INTS3: variants seen among roughly 807,000 people sequenced by gnomAD.
INTS3 encodes SOSS complex subunit A.
Under a neutral mutation model 146.3 loss-of-function variants are expected in INTS3, and 34 were observed. The observed-to-expected ratio is 0.23, with a 90% confidence interval of 0.18 to 0.31. INTS3 has a LOEUF of 0.31. Among genes scored for constraint, INTS3 ranks in the 10% least tolerant of loss-of-function variants. INTS3 has a pLI of 1.00. For missense variants in INTS3, 757 were observed against 1,304.2 expected, an observed-to-expected ratio of 0.58 and a Z score of 6.46; for synonymous variants, 475 against 494.9, an observed-to-expected ratio of 0.96 and a Z score of 0.53.
chr1:153,748,770 G>A lies in INTS3; in HGVS notation c.584+15G>A. 4 of 1,604,136 alleles carry A rather than the reference G, an allele frequency of 2.5e-6. No homozygotes were observed. Among genetic ancestry groups the A allele is most frequent in the Non-Finnish European group, 3.4e-6 (4 of 1,170,812 alleles). On this transcript the variant is annotated intron_variant, in intron 6 of 29. Coordinates refer to ENST00000318967, the MANE Select transcript of INTS3 (RefSeq NM_023015.5). The stretch of plus-strand genomic sequence containing the variant: ...ACAGAGCAAAGGTAGCATCCACCAC[G>A]AAGGGTGGGGTACAGGCCAGATAAT...
chr1:153,764,764 C>A (rs199738629), intron 19 of INTS3, 30 bp downstream of exon 19: 691 of 1,581,280 alleles, frequency 4.4e-4, no homozygotes, highest in Non-Finnish European at 5.3e-4. Flanking sequence ...AGATACTGTT[C>A]TACCCTCCAT....
chr1:153,754,469 G>A (rs1672086606), intron 8 of INTS3, among the ~76,000 whole-genome samples, 173 bp from the exon 9 acceptor site: 3 of 152,196 alleles, frequency 2.0e-5, no homozygotes, highest in Non-Finnish European at 1.5e-5. Flanking sequence ...AGCAGAACAC[G>A]TAAGTGCTGG....
intron 5 of INTS3, chr1:153,748,412 T>C (rs946314564): frequency 6.0e-5 from 28 of 464,670 alleles, no homozygotes; most frequent in Non-Finnish European, 1.0e-4. Flanking sequence ...CAGACGTTCA[T>C]TTTCAAGGGC....
intron 1 of INTS3, among the ~76,000 whole-genome samples, chr1:153,732,335 T>TA: frequency 6.6e-6 from 1 of 152,158 alleles, no homozygotes; most frequent in Non-Finnish European, 1.5e-5. Flanking sequence ...TTGAGTCACT[T>TA]CTAGTTTTTG....
In INTS3 at chr1:153,760,882, C is replaced by G. The variant is rs141536439; in HGVS notation, c.1373C>G (p.Ser458Cys). 1,604 of 1,614,128 alleles carry G rather than the reference C, an allele frequency of 9.9e-4. 2 individuals carry two copies. The highest frequency in any genetic ancestry group is 1.2e-3 in the Non-Finnish European group (1,426 of 1,179,986). Residue 458 changes from serine to cysteine, a missense_variant, in exon 13 of 30, where the codon TCC becomes TGC. By Grantham distance (112) the Ser-to-Cys change is moderately radical. Around this residue, in one of 8 missense-constraint regions of INTS3, gnomAD observed 97 missense variants for 113.6 expected, o/e 0.85. Transcript: ENST00000318967. ...GGCCACGTGCGGCAGGGTGTCTTTT[C>G]CTCCCTCAACCACATTGTGGAGAAA... ...LEGHVRQGVF[S>C]SLNHIVEKRV...
Position 153,747,360 on chromosome 1 carries a change from G to T in INTS3, c.514G>T (p.Ala172Ser). 1.2e-5 allele frequency: 19 copies of T among 1,613,382 alleles called. No individual in the cohort carries two copies. The highest frequency in any genetic ancestry group is 1.6e-5 in the Non-Finnish European group (19 of 1,179,322). The change falls in exon 5 of 30, where the codon GCA becomes TCA. Residue 172 changes from alanine (A) to serine (S), a missense_variant. Coordinates refer to ENST00000318967, the MANE Select transcript of INTS3 (RefSeq NM_023015.5). ...GVCMTFMKQI[A>S]GGDVTAKNIW... Reference sequence around the variant, plus strand: ...TTGTATGACGTTTATGAAGCAGATTGCAGGTGAGTTTGATGGCAGGAGCAT... The same window carrying T: ...TTGTATGACGTTTATGAAGCAGATTTCAGGTGAGTTTGATGGCAGGAGCAT...
At position 153,761,617 on chromosome 1, in the gene INTS3, G is replaced by A. The variant is rs752057212; in HGVS notation, c.1457G>A (p.Arg486Gln). ...FDNPKLDKEL[R>Q]AMLREKFPEF... ...AACCCTAAGTTGGATAAGGAGCTGC[G>A]GGCAATGCTGAGAGAGAAGTTTCCT... is the stretch of plus-strand genomic sequence containing the variant. The change falls in exon 14 of 30, where the codon CGG (arginine) becomes CAG (glutamine). Residue 486 changes from arginine (R) to glutamine (Q), a missense_variant. By Grantham distance (43) the Arg-to-Gln change is conservative (BLOSUM62 1). This residue lies in a region of INTS3 where 97 missense variants were observed against 113.6 expected (regional missense o/e 0.85). Transcript: ENST00000318967. 1.9e-6 allele frequency: 3 copies of A among 1,614,168 alleles called. No individual in the cohort carries two copies. Among genetic ancestry groups the A allele is most frequent in the South Asian group, 2.2e-5 (2 of 91,084 alleles).
Position 153,757,808 on chromosome 1 carries a change from G to C in INTS3, c.1149+45G>C. On this transcript the variant is annotated intron_variant, in intron 10 of 29. Coordinates refer to ENST00000318967, the MANE Select transcript of INTS3 (RefSeq NM_023015.5). This position sits in a 1 kb window ranked among gnomAD's most constrained non-coding sequence, Gnocchi z 4.0. ...GGTGGTGAAGGGTGCCTCTTCCATG[G>C]TGTTCCCATGTTTCCATTCTTCTTC... The C allele has an allele frequency of 2.0e-6, 3 of 1,528,842 alleles. No homozygotes were observed. The highest frequency in any genetic ancestry group is 1.8e-6 in the Non-Finnish European group (2 of 1,106,844). The allele number at this position is 1,528,842 out of a possible 1,614,324, so 94.7% of individuals were successfully genotyped here. A position where few individuals can be genotyped will look rare whatever the true frequency, so the allele number is the denominator to read the frequency against.
At position 153,748,764 on chromosome 1, in the gene INTS3, C is replaced by T; in HGVS notation, c.584+9C>T. On this transcript the variant is annotated intron_variant, in intron 6 of 29. Coordinates refer to ENST00000318967, the MANE Select transcript of INTS3 (RefSeq NM_023015.5). ...ATCCTGACAGAGCAAAGGTAGCATC[C>T]ACCACGAAGGGTGGGGTACAGGCCA... 1.2e-6 allele frequency: 2 copies of T among 1,612,148 alleles called. No homozygotes were observed. Among genetic ancestry groups the T allele is most frequent in the South Asian group, 1.1e-5 (1 of 91,040 alleles).
intron 3 of INTS3, among the ~76,000 whole-genome samples, chr1:153,746,508 C>T (rs1671744062): frequency 6.6e-6 from 1 of 152,240 alleles, no homozygotes. Flanking sequence ...TCACACCATT[C>T]TCCTGCCTCA....
rs58166068 is a variant in INTS3 at position 153,772,020 on chromosome 1, C to CGGTGGTGGTGGTGGT, written c.2720+74_2720+88dup. ...CATGGCGGTCTGCAGTGATTGCTGTCGGTGGTGGTGGTGGTGGTGGTGGTG... is the reference window on the plus strand; with the variant it reads ...CATGGCGGTCTGCAGTGATTGCTGTCGGTGGTGGTGGTGGTGGTGGTGGTGGTGGTGGTGGTGGTG... On this transcript the variant is annotated intron_variant, in intron 26 of 29. Coordinates refer to ENST00000318967, the MANE Select transcript of INTS3 (RefSeq NM_023015.5). The surrounding 1 kb of genome is among the most constrained non-coding windows in gnomAD (Gnocchi z 4.6). The CGGTGGTGGTGGTGGT allele has an allele frequency of 4.2e-6, 5 of 1,182,418 alleles. No homozygotes were observed. Among genetic ancestry groups the CGGTGGTGGTGGTGGT allele is most frequent in the South Asian group, 1.4e-5 (1 of 72,648 alleles). 73.2% of individuals were successfully genotyped at this position (1,182,418 alleles called of 1,614,324 possible).
At chr1:153,744,706 G>A (rs6672371) in intron 3 of INTS3, among the ~76,000 whole-genome samples, 19,162 of 152,234 alleles carry the variant, frequency 0.13, 2,087 homozygotes, top group African/African-American at 0.29. Context: ...AGATGGTACT[G>A]AGGGGTACAT....
At chr1:153,736,850 G>A (rs1235073801) in intron 1 of INTS3, among the ~76,000 whole-genome samples, 2 of 142,380 alleles carry the variant, frequency 1.4e-5, no homozygotes, top group Non-Finnish European at 3.0e-5. Flanking sequence ...TGCAAGCTTC[G>A]CCGACCGGGT....
chr1:153,769,666 ATTT>A, intron 22 of INTS3, 100 bp from the exon 23 acceptor site: 2 of 571,210 alleles, frequency 3.5e-6, no homozygotes, highest in Non-Finnish European at 3.2e-6. Flanking sequence ...ACTTCCTCTA[ATTT>A]TTTTTTTTCC....
Position 153,751,170 on chromosome 1 carries a change from T to C in INTS3, c.660T>C (p.His220=), listed in dbSNP as rs779599221. The C allele has an allele frequency of 6.2e-7, 1 of 1,614,158 alleles. No homozygotes were observed. The highest frequency in any genetic ancestry group is 8.5e-7 in the Non-Finnish European group (1 of 1,180,014). Reference sequence around the variant, plus strand: ...ACCTCCGCCTCATCGTGGACCACCATGGGACTGCCCAGCTCCAGGCCCTGC... The same window carrying C: ...ACCTCCGCCTCATCGTGGACCACCACGGGACTGCCCAGCTCCAGGCCCTGC... ...YTYLRLIVDH[H]GTAQLQALRQ... Residue 220 remains histidine, a synonymous_variant, in exon 7 of 30, where the codon CAT becomes CAC. Coordinates refer to ENST00000318967, the MANE Select transcript of INTS3 (RefSeq NM_023015.5).
intron 5 of INTS3, chr1:153,747,846 A>C (rs760369440): frequency 6.0e-6 from 1 of 167,448 alleles, no homozygotes; most frequent in Non-Finnish European, 1.3e-5. Context: ...CCTGACATTT[A>C]GGTTTTATTC....
rs1366178465 is a variant in INTS3, at chr1:153,728,058, AC to A, written c.-571del. On this transcript the variant is annotated 5_prime_UTR_variant, in exon 1 of 30. Transcript: ENST00000318967. ...CCCCTCCCCCGCCCTCCGCCTTCCCACCCCCCGCCCTTCCACTATGGCCGCT... is the reference window on the plus strand; with the variant it reads ...CCCCTCCCCCGCCCTCCGCCTTCCCACCCCCGCCCTTCCACTATGGCCGCT... 19 of 48,418 alleles carry A rather than the reference AC, an allele frequency of 3.9e-4. No individual in the cohort carries two copies. The highest frequency in any genetic ancestry group is 3.5e-3 in the East Asian group (7 of 2,006). 3.0% of individuals were successfully genotyped at this position (48,418 alleles called of 1,614,324 possible).
At chr1:153,742,820 C>T (rs1199760835) in intron 3 of INTS3, among the ~76,000 whole-genome samples, 1 of 152,178 alleles carries the variant, frequency 6.6e-6, no homozygotes, top group East Asian at 1.9e-4. Flanking sequence ...CTATAACAGC[C>T]CCATGTGGGA....
At chr1:153,734,222 C>T (rs1324861340) in intron 1 of INTS3, among the ~76,000 whole-genome samples, 1 of 152,134 alleles carries the variant, frequency 6.6e-6, no homozygotes, top group African/African-American at 2.4e-5. Context: ...ACCTATGATT[C>T]TATCTTTACT....
Sources: allele counts gnomAD v4.1 joint callset (sites outside exome capture counted in the v4.1 genomes callset), GRCh38; gene constraint gnomAD v4.1.1; regional missense constraint gnomAD v4.1.1; non-coding constraint Gnocchi (gnomAD v3.1); transcripts MANE v1.5; gene names NCBI Gene and HGNC (gene_info 2026-07-23, HGNC 2026-07-21).